SUCO: variants seen among roughly 807,000 people sequenced by gnomAD.
SUCO encodes the protein SUN domain-containing ossification factor.
SUCO carries 57 observed loss-of-function variants against 148.1 expected under a neutral mutation model. The ratio of observed to expected loss-of-function variants is 0.38; its 90% CI spans 0.31 to 0.48. SUCO has a LOEUF of 0.48. Among genes scored for constraint, SUCO ranks in the 20% least tolerant of loss-of-function variants. The probability of loss-of-function intolerance (pLI) is 0.96; values close to 1 mark genes in which losing one functional copy is unlikely to be tolerated. For missense variants in SUCO, 1,331 were observed against 1,468.2 expected, an observed-to-expected ratio of 0.91 and a Z score of 1.53; for synonymous variants, 470 against 502.7, an observed-to-expected ratio of 0.93 and a Z score of 0.87.
chr1:172,597,694 A>G (rs898796944), intron 19 of SUCO, among the ~76,000 whole-genome samples: 1 of 152,072 alleles, frequency 6.6e-6, no homozygotes, highest in Non-Finnish European at 1.5e-5. Flanking sequence ...ATTTTAAGGG[A>G]ACTATTCTAG....
At chr1:172,585,737 G>A in intron 16 of SUCO, 121 bp from the exon 17 acceptor site, 1 of 629,192 alleles carries the variant, frequency 1.6e-6, no homozygotes, top group Non-Finnish European at 2.8e-6. Flanking sequence ...TTAAGAAAAA[G>A]TCTGCAGTAG....
intron 11 of SUCO, chr1:172,576,760 A>G: frequency 6.8e-6 from 2 of 292,974 alleles, no homozygotes; most frequent in Non-Finnish European, 1.0e-5. Context: ...TTTAAATATT[A>G]GTTTTATAAA....
At chr1:172,559,158 A>G (rs1319985973) in intron 6 of SUCO, among the ~76,000 whole-genome samples, 1 of 152,198 alleles carries the variant, frequency 6.6e-6, no homozygotes, top group Non-Finnish European at 1.5e-5. Context: ...TCTGTGAGAC[A>G]CTGATTGCCG....
intron 9 of SUCO, among the ~76,000 whole-genome samples, chr1:172,572,833 A>G (rs1421119520): frequency 6.6e-6 from 1 of 151,878 alleles, no homozygotes; most frequent in Non-Finnish European, 1.5e-5. Flanking sequence ...AGCCTGGAGC[A>G]TTCGTTTATC....
At chr1:172,564,903 T>C (rs987211727) in intron 6 of SUCO, among the ~76,000 whole-genome samples, 72 of 152,336 alleles carry the variant, frequency 4.7e-4, no homozygotes, top group Admixed American at 3.3e-4. Flanking sequence ...AAACAAAACA[T>C]TTTTTCCCAA....
At chr1:172,572,848 A>G (rs1655149270) in intron 9 of SUCO, among the ~76,000 whole-genome samples, 1 of 152,114 alleles carries the variant, frequency 6.6e-6, no homozygotes, top group African/African-American at 2.4e-5. Flanking sequence ...TTTATCTATA[A>G]GTAGGCCATC....
At chr1:172,533,533 G>T in intron 1 of SUCO, 36 bp downstream of exon 1, 2 of 1,502,860 alleles carry the variant, frequency 1.3e-6, no homozygotes, top group Middle Eastern at 1.7e-4. Flanking sequence ...TTCCCGTGAG[G>T]GGAGTAAATG....
At chr1:172,547,346 T>C (rs1020239718) in intron 1 of SUCO, among the ~76,000 whole-genome samples, 6 of 152,256 alleles carry the variant, frequency 3.9e-5, no homozygotes, top group African/African-American at 1.4e-4. Flanking sequence ...AAAACTACTA[T>C]GGACATTCTT....
chr1:172,533,247 C>T lies in SUCO; in HGVS notation c.-189C>T. ...GTCCTGTGAAGCGCCCCTGTCCGCG[C>T]CTCTGTGGGGCCCTCAGAGAGGGCT... On this transcript the variant is annotated 5_prime_UTR_variant, in exon 1 of 24. Coordinates refer to ENST00000263688, the MANE Select transcript of SUCO (RefSeq NM_014283.5). 6 of 1,548,104 alleles carry T rather than the reference C, an allele frequency of 3.9e-6. No individual in the cohort carries two copies. Among genetic ancestry groups the T allele is most frequent in the Non-Finnish European group, 5.2e-6 (6 of 1,146,570 alleles).
rs1654885856 is a variant in SUCO, at chr1:172,570,603, AAT to A, written c.982-58_982-57del. ...AAGTCCCAGAAAACTTTAAAGTTAA[AAT>A]AAATACTTTCTTCATTATTCCTTAA... is the stretch of plus-strand genomic sequence containing the variant. On this transcript the variant is annotated intron_variant, in intron 8 of 23. Coordinates refer to ENST00000263688, the MANE Select transcript of SUCO (RefSeq NM_014283.5). 3.4e-6 allele frequency: 4 copies of A among 1,188,618 alleles called. No individual in the cohort carries two copies. In the South Asian group the frequency reaches 5.2e-5, roughly 15 times the overall value. 73.6% of individuals were successfully genotyped at this position (1,188,618 alleles called of 1,614,324 possible). A position where few individuals can be genotyped will look rare whatever the true frequency, so the allele number is the denominator to read the frequency against.
rs1279924070 is a variant in SUCO, at chr1:172,588,982, T to A, written c.1881T>A (p.Ser627=). The part of the protein sequence containing the change: ...CSELTTICCI[S]SFSEYIYKWC... ...AACTGACCACAATTTGTTGTATTTCTAGTTTTTCAGAATACATATATAAAT... is the reference window on the plus strand; with the variant it reads ...AACTGACCACAATTTGTTGTATTTCAAGTTTTTCAGAATACATATATAAAT... Residue 627 remains serine, a synonymous_variant, in exon 18 of 24, where the codon TCT becomes TCA. Transcript: ENST00000263688. 6.2e-7 allele frequency: 1 copy of A among 1,610,568 alleles called. No individual in the cohort carries two copies. Among genetic ancestry groups the A allele is most frequent in the Non-Finnish European group, 8.5e-7 (1 of 1,178,378 alleles).
chr1:172,533,009 A>T, upstream of SUCO: 6 of 1,422,334 alleles, frequency 4.2e-6, no homozygotes, highest in South Asian at 1.5e-5. Context: ...GCGCCGCGGG[A>T]CTTGGGTGAC....
At chr1:172,556,545 A>ATGTCCTTCTCTTAATACTACAAAG (rs1653774599) in intron 4 of SUCO, 1 of 938,378 alleles carries the variant, frequency 1.1e-6, no homozygotes, top group African/African-American at 1.8e-5. Context: ...ACAAAACAAA[A>ATGTCCTTCTCTTAATACTACAAAG]TGTCCTTCTC....
At chr1:172,563,157 G>A (rs916352546) in intron 6 of SUCO, among the ~76,000 whole-genome samples, 1 of 152,170 alleles carries the variant, frequency 6.6e-6, no homozygotes, top group African/African-American at 2.4e-5. Context: ...TTATAGCAGT[G>A]TAAGAACAGA....
rs369060418 is a variant in SUCO, at chr1:172,542,259, G to A, written c.62+8762G>A. Among the ~76,000 whole-genome samples the A allele has an allele frequency of 1.3e-5, 2 of 152,132 alleles. 1 individual carries two copies. The highest frequency in any genetic ancestry group is 4.8e-5 in the African/African-American group (2 of 41,430). On this transcript the variant is annotated intron_variant, in intron 1 of 23. Coordinates refer to ENST00000263688, the MANE Select transcript of SUCO (RefSeq NM_014283.5). ...TAGCCGGGCATGGTAGCGCATGCCT[G>A]TAATCCCACCTACTTGGGAGGCTGA...
At chr1:172,570,601 AAAAT>A (rs1300667768) in intron 8 of SUCO, 58 bp from the exon 9 acceptor site, 3 of 1,173,384 alleles carry the variant, frequency 2.6e-6, no homozygotes, top group East Asian at 4.8e-5. Flanking sequence ...CTTTAAAGTT[AAAAT>A]AAATACTTTC....
At chr1:172,542,568 T>C in intron 1 of SUCO, 1 of 183,624 alleles carries the variant, frequency 5.4e-6, no homozygotes, top group Non-Finnish European at 1.0e-5. Context: ...CAGAATTAGA[T>C]TCTCATAGGA....
In SUCO at chr1:172,588,976, T is replaced by C. The variant is rs773223571; in HGVS notation, c.1875T>C (p.Cys625=). 2 of 1,610,320 alleles carry C rather than the reference T, an allele frequency of 1.2e-6. No individual in the cohort carries two copies. ...GCAGTGAACTGACCACAATTTGTTG[T>C]ATTTCTAGTTTTTCAGAATACATAT... is the stretch of plus-strand genomic sequence containing the variant. ...IFCSELTTIC[C]ISSFSEYIYK... The change falls in exon 18 of 24, where the codon TGT becomes TGC. Residue 625 remains cysteine, a synonymous_variant. Transcript: ENST00000263688.
chr1:172,539,002 A>G (rs1269527055), intron 1 of SUCO, among the ~76,000 whole-genome samples: 1 of 152,246 alleles, frequency 6.6e-6, no homozygotes, highest in Non-Finnish European at 1.5e-5. Flanking sequence ...ATATACTGGA[A>G]TGGAAGCAGG....
Sources: gnomAD v4.1 joint callset for allele counts (sites outside exome capture counted in the v4.1 genomes callset) on GRCh38, gnomAD v4.1.1 for gene constraint, MANE v1.5 for transcripts, NCBI Gene and HGNC (gene_info 2026-07-23, HGNC 2026-07-21) for gene names.